DENND1B: variants seen among roughly 807,000 people sequenced by gnomAD.
DENND1B encodes DENN domain containing 1B.
DENND1B carries 59 observed loss-of-function variants against 90.1 expected under a neutral mutation model. The observed-to-expected ratio is 0.65, with a 90% CI of 0.53 to 0.81. DENND1B has a LOEUF of 0.81. Among genes scored for constraint, DENND1B ranks in the 40% least tolerant of loss-of-function variants. The pLI is 0.00. For synonymous variants in DENND1B, 337 were observed against 324.6 expected, an observed-to-expected ratio of 1.04 and a Z score of -0.41; for missense variants, 862 against 912.6, an observed-to-expected ratio of 0.94 and a Z score of 0.71.
intron 3 of DENND1B, among the ~76,000 whole-genome samples, chr1:197,674,546 C>T (rs1475687585): frequency 6.6e-6 from 1 of 152,040 alleles, no homozygotes; most frequent in Non-Finnish European, 1.5e-5. Context: ...CTGACAGATC[C>T]TGGCTCAAAA....
chr1:197,580,539 C>T (rs908876902), intron 15 of DENND1B, among the ~76,000 whole-genome samples: 1 of 152,098 alleles, frequency 6.6e-6, no homozygotes, highest in Non-Finnish European at 1.5e-5. Flanking sequence ...TTTGCCTCTT[C>T]CTGAGGTCTG....
In DENND1B at chr1:197,540,986, C is replaced by CT. The variant is rs1670294729; in HGVS notation, c.1379dup (p.Glu461GlyfsTer5). Reference sequence around the variant, plus strand: ...TGTGTTTTAGTTTACTCTTCACTTCCTTTAGTCCCAGCTTTGCATGATTTT... The same window carrying CT: ...TGTGTTTTAGTTTACTCTTCACTTCCTTTTAGTCCCAGCTTTGCATGATTTT... On this transcript the variant is annotated frameshift_variant, in exon 19 of 23. Coordinates refer to ENST00000620048, the MANE Select transcript of DENND1B (RefSeq NM_001195215.2). LOFTEE classifies it high-confidence loss of function. The CT allele has an allele frequency of 6.2e-7, 1 of 1,612,590 alleles. No homozygotes were observed. The highest frequency in any genetic ancestry group is 8.5e-7 in the Non-Finnish European group (1 of 1,179,194).
At chr1:197,630,357 T>C (rs1679217236) in intron 10 of DENND1B, among the ~76,000 whole-genome samples, 1 of 152,092 alleles carries the variant, frequency 6.6e-6, no homozygotes, top group South Asian at 2.1e-4. Context: ...CTCCATAGGA[T>C]GGCACCTTGT....
At chr1:197,623,595 A>G (rs2125876179) in intron 10 of DENND1B, among the ~76,000 whole-genome samples, 1 of 151,656 alleles carries the variant, frequency 6.6e-6, no homozygotes, top group African/African-American at 2.4e-5. Context: ...TTTATTTCTT[A>G]GAATACTTTT....
intron 20 of DENND1B, among the ~76,000 whole-genome samples, chr1:197,537,733 A>G (rs1039631697): frequency 1.3e-5 from 2 of 152,048 alleles, no homozygotes; most frequent in Non-Finnish European, 1.5e-5. Flanking sequence ...AGAAATCAGT[A>G]ATGTATTTTT....
At chr1:197,677,367 C>A in intron 3 of DENND1B, among the ~76,000 whole-genome samples, 1 of 152,090 alleles carries the variant, frequency 6.6e-6, no homozygotes, top group East Asian at 1.9e-4. Flanking sequence ...CTAAATGTTC[C>A]CAGACACCTC....
chr1:197,581,690 A>G (rs1674254902), intron 15 of DENND1B, among the ~76,000 whole-genome samples: 1 of 152,162 alleles, frequency 6.6e-6, no homozygotes, highest in Non-Finnish European at 1.5e-5. Context: ...GTAACTATGC[A>G]AAAAAATTAC....
At chr1:197,608,849 T>G (rs919946281) in intron 12 of DENND1B, among the ~76,000 whole-genome samples, 3 of 150,576 alleles carry the variant, frequency 2.0e-5, no homozygotes, top group Non-Finnish European at 4.5e-5. Flanking sequence ...AATATTAAAT[T>G]TTATTTAAGG....
chr1:197,692,090 T>C (rs1657952473), intron 3 of DENND1B, among the ~76,000 whole-genome samples: 1 of 151,760 alleles, frequency 6.6e-6, no homozygotes, highest in Non-Finnish European at 1.5e-5. Context: ...ACTTAACAAT[T>C]TGTTTATAGA....
intron 2 of DENND1B, among the ~76,000 whole-genome samples, chr1:197,715,860 A>C (rs569858680): frequency 1.3e-5 from 2 of 151,958 alleles, no homozygotes; most frequent in Admixed American, 1.3e-4. Context: ...CTTATTGTTT[A>C]ATTCTGTCAA....
At chr1:197,650,324 A>C (rs756594196) in intron 7 of DENND1B, among the ~76,000 whole-genome samples, 5 of 152,192 alleles carry the variant, frequency 3.3e-5, no homozygotes, top group Admixed American at 6.5e-5. Context: ...TACTAAACAA[A>C]TATTAAACTG....
At chr1:197,736,773 A>G (rs760239524) in intron 2 of DENND1B, among the ~76,000 whole-genome samples, 8 of 152,212 alleles carry the variant, frequency 5.3e-5, no homozygotes, top group Non-Finnish European at 1.0e-4. Context: ...TGGAATGTCT[A>G]TTCATTAGCC....
chr1:197,518,178 T>C (rs894664738), intron 20 of DENND1B, among the ~76,000 whole-genome samples: 4 of 151,880 alleles, frequency 2.6e-5, no homozygotes, highest in African/African-American at 9.7e-5. Context: ...GCAAAATGAT[T>C]ATGAGGTGTC....
At chr1:197,535,660 A>G (rs1669822798) in intron 20 of DENND1B, among the ~76,000 whole-genome samples, 1 of 152,224 alleles carries the variant, frequency 6.6e-6, no homozygotes, top group Admixed American at 6.5e-5. Flanking sequence ...CTTGTGAGAT[A>G]TTGTCACAGT....
At chr1:197,760,950 T>C (rs756526615) in intron 2 of DENND1B, among the ~76,000 whole-genome samples, 8 of 152,180 alleles carry the variant, frequency 5.3e-5, no homozygotes, top group South Asian at 2.1e-4. Context: ...ACAGTAATCA[T>C]TAAAAGTTGG....
intron 18 of DENND1B, among the ~76,000 whole-genome samples, chr1:197,544,061 T>C (rs888551689): frequency 6.6e-6 from 1 of 152,120 alleles, no homozygotes; most frequent in African/African-American, 2.4e-5. Context: ...CACTAGCTTC[T>C]CTCCTGGGAA....
intron 3 of DENND1B, among the ~76,000 whole-genome samples, chr1:197,709,632 A>T (rs1383894093): frequency 5.1e-4 from 1 of 1,944 alleles, no homozygotes; most frequent in African/African-American, 2.1e-3. Context: ...TCATGCCAAA[A>T]TGTAAAGACC....
chr1:197,758,645 C>T (rs561649498), intron 2 of DENND1B, among the ~76,000 whole-genome samples: 3 of 152,116 alleles, frequency 2.0e-5, no homozygotes, highest in South Asian at 4.1e-4. Context: ...TTTCAACTCT[C>T]GGTCCAGTAT....
At chr1:197,638,140 G>C (rs566777567) in intron 10 of DENND1B, among the ~76,000 whole-genome samples, 1 of 152,320 alleles carries the variant, frequency 6.6e-6, no homozygotes, top group East Asian at 1.9e-4. Flanking sequence ...GAATTAATGA[G>C]AGGAGAGAAA....
Sources: gnomAD v4.1 joint callset for allele counts (sites outside exome capture counted in the v4.1 genomes callset) on GRCh38, gnomAD v4.1.1 for gene constraint, MANE v1.5 for transcripts, NCBI Gene and HGNC (gene_info 2026-07-23, HGNC 2026-07-21) for gene names.